Variants in NUP98 observed in about 807,000 individuals in gnomAD.
The protein encoded by NUP98 is nuclear pore complex protein Nup98-Nup96.
In NUP98, 26 loss-of-function variants were observed where a neutral mutation model predicts 191.9. The ratio of observed to expected loss-of-function variants is 0.14; its 90% CI spans 0.10 to 0.19. The LOEUF (loss-of-function observed/expected upper bound fraction) is 0.19. Among genes scored for constraint, NUP98 ranks in the 10% least tolerant of loss-of-function variants. NUP98 has a pLI of 1.00. For missense variants in NUP98, 1,941 were observed against 2,178.8 expected (o/e 0.89, Z 2.17); for synonymous variants, 808 against 778.4 (o/e 1.04, Z -0.63).
intron 1 of NUP98, among the ~76,000 whole-genome samples, chr11:3,795,403 G>T (rs1029815183): frequency 2.0e-5 from 3 of 152,100 alleles, no homozygotes; most frequent in African/African-American, 7.2e-5. Context: ...CCGAGATTGC[G>T]CCACTGCACT....
intron 14 of NUP98, among the ~76,000 whole-genome samples, chr11:3,730,711 C>G (rs1024036311): frequency 6.6e-6 from 1 of 151,754 alleles, no homozygotes; most frequent in African/African-American, 2.4e-5. Context: ...ATGTTTTTAA[C>G]GTATCACTTG....
intron 5 of NUP98, among the ~76,000 whole-genome samples, chr11:3,774,128 G>A (rs929878787): frequency 2.2e-4 from 33 of 152,220 alleles, no homozygotes; most frequent in African/African-American, 5.5e-4. Context: ...GGCCAGGAGC[G>A]GTGGCTCACG....
chr11:3,791,154 C>T (rs191712807), intron 1 of NUP98, among the ~76,000 whole-genome samples: 5,007 of 152,032 alleles, frequency 0.033, 105 homozygotes, highest in Non-Finnish European at 0.048. Flanking sequence ...CTCAGCCTCC[C>T]AAAGTGCTGG....
At chr11:3,782,251 A>G in intron 1 of NUP98, 106 bp from the exon 2 acceptor site, 1 of 559,974 alleles carries the variant, frequency 1.8e-6, no homozygotes, top group Non-Finnish European at 3.2e-6. Context: ...GAACTATAGT[A>G]TATACTCTCA....
intron 16 of NUP98, among the ~76,000 whole-genome samples, chr11:3,721,837 A>G (rs554875851): frequency 2.6e-4 from 39 of 152,260 alleles, no homozygotes; most frequent in African/African-American, 7.9e-4. Context: ...TGCTTGCTCT[A>G]TTCACTCCTT....
intron 31 of NUP98, chr11:3,676,843 GA>G: frequency 1.6e-6 from 1 of 634,054 alleles, no homozygotes; most frequent in East Asian, 2.9e-5. Flanking sequence ...CTTGGACTAG[GA>G]AAAGTCTTGA....
In NUP98 at chr11:3,676,138, G is replaced by C. The variant is rs2077800508; in HGVS notation, c.*21C>G. The C allele has an allele frequency of 6.2e-7, 1 of 1,608,376 alleles. No homozygotes were observed. Among genetic ancestry groups the C allele is most frequent in the Non-Finnish European group, 8.5e-7 (1 of 1,176,260 alleles). On this transcript the variant is annotated 3_prime_UTR_variant, in exon 33 of 33. Coordinates refer to ENST00000324932, the MANE Select transcript of NUP98 (RefSeq NM_016320.5). ...GTGTGGTGTGAATGGGCATGTGACT[G>C]TGATGCAAAGTGCCTGGGGCTCACA...
intron 20 of NUP98, 65 bp downstream of exon 20, chr11:3,712,499 G>C (rs1326874349): frequency 6.2e-7 from 1 of 1,601,776 alleles, no homozygotes; most frequent in Non-Finnish European, 8.5e-7. Flanking sequence ...TGTATTAGCT[G>C]AATGACTTGC....
At chr11:3,701,017 G>GA (rs933222674) in intron 23 of NUP98, among the ~76,000 whole-genome samples, 178 bp from the exon 24 acceptor site, 8 of 151,810 alleles carry the variant, frequency 5.3e-5, no homozygotes, top group Non-Finnish European at 7.4e-5. Context: ...ATATACTGGG[G>GA]AAAAAAAATC....
At chr11:3,724,957 G>T in intron 15 of NUP98, 146 bp downstream of exon 15, 1 of 503,404 alleles carries the variant, frequency 2.0e-6, no homozygotes, top group South Asian at 3.2e-5. Context: ...ACAAAAATAT[G>T]ATTTGATTTC....
intron 8 of NUP98, among the ~76,000 whole-genome samples, chr11:3,766,751 A>C (rs2134562612): frequency 6.7e-6 from 1 of 149,996 alleles, no homozygotes; most frequent in South Asian, 2.1e-4. Flanking sequence ...GTTTTTCAAG[A>C]TTGTTTTGGC....
intron 12 of NUP98, among the ~76,000 whole-genome samples, chr11:3,736,427 G>C (rs528790044): frequency 6.6e-6 from 1 of 152,154 alleles, no homozygotes; most frequent in Non-Finnish European, 1.5e-5. Flanking sequence ...AGGTCGTGGC[G>C]AGCAGATCAC....
chr11:3,721,437 C>G (rs1046345450), intron 16 of NUP98, among the ~76,000 whole-genome samples: 2 of 152,178 alleles, frequency 1.3e-5, no homozygotes, highest in African/African-American at 4.8e-5. Flanking sequence ...GTGGCTCATG[C>G]CTGTAATCCA....
chr11:3,761,721 C>CT (rs2081176853), intron 9 of NUP98, among the ~76,000 whole-genome samples: 1 of 151,890 alleles, frequency 6.6e-6, no homozygotes, highest in South Asian at 2.1e-4. Flanking sequence ...TCGCACGCCA[C>CT]TGTACTCCAG....
chr11:3,771,240 C>G (rs954593224), intron 7 of NUP98, among the ~76,000 whole-genome samples: 4 of 152,202 alleles, frequency 2.6e-5, no homozygotes, highest in Non-Finnish European at 5.9e-5. Flanking sequence ...TCTACTCTTA[C>G]AATCTACTGT....
Position 3,797,528 on chromosome 11 carries a change from G to A in NUP98, c.-157C>T, listed in dbSNP as rs536931223. 1.1e-5 allele frequency: 5 copies of A among 442,214 alleles called. No individual in the cohort carries two copies. The South Asian group carries it at 2.0e-4, about 18-fold the overall frequency. The allele number at this position is 442,214 out of a possible 1,614,324, so 27.4% of individuals were successfully genotyped here. A position where few individuals can be genotyped will look rare whatever the true frequency, so the allele number is the denominator to read the frequency against. The stretch of plus-strand genomic sequence containing the variant: ...ACCCCTGCCACCGACCGCCGCTTCG[G>A]GCGCAGCGCGCAGAGGGCCCGACTG... On this transcript the variant is annotated 5_prime_UTR_variant, in exon 1 of 33. Coordinates refer to ENST00000324932, the MANE Select transcript of NUP98 (RefSeq NM_016320.5).
At chr11:3,717,609 T>C (rs971477286) in intron 18 of NUP98, among the ~76,000 whole-genome samples, 1 of 152,234 alleles carries the variant, frequency 6.6e-6, no homozygotes, top group South Asian at 2.1e-4. Flanking sequence ...CTACACAAGA[T>C]GTCATCAAAG....
In NUP98 at chr11:3,731,490, C is replaced by G. The variant is rs768368938; in HGVS notation, c.1631G>C (p.Arg544Pro). The G allele has an allele frequency of 6.2e-7, 1 of 1,609,722 alleles. No individual in the cohort carries two copies. Among genetic ancestry groups the G allele is most frequent in the Middle Eastern group, 1.7e-4 (1 of 6,040 alleles). ...GCCTGTTGTTTGTAAAGCCTTTGGC[C>G]GGACTCTAGTGGCAGGGCGGGGTGT... ...KLTPRPATRV[R>P]PKALQTTGTA... The change falls in exon 14 of 33, where the codon CGG becomes CCG. Residue 544 changes from arginine (R) to proline (P), a missense_variant. Physicochemically the swap from Arg to Pro is moderately radical, Grantham distance 103. Around this residue, in one of 6 missense-constraint regions of NUP98, gnomAD observed 453 missense variants for 438.2 expected, o/e 1.03. Transcript: ENST00000324932.
At chr11:3,702,397 C>G (rs1400521741) in intron 23 of NUP98, 66 bp downstream of exon 23, 1 of 1,195,720 alleles carries the variant, frequency 8.4e-7, no homozygotes, top group African/African-American at 1.6e-5. Context: ...GGGCCCTATC[C>G]TCCTGATTAG....
Sources: allele counts gnomAD v4.1 joint callset (sites outside exome capture counted in the v4.1 genomes callset), GRCh38; gene constraint gnomAD v4.1.1; regional missense constraint gnomAD v4.1.1; transcripts MANE v1.5; gene names NCBI Gene and HGNC (gene_info 2026-07-23, HGNC 2026-07-21).